Variants in RASA1 observed in about 807,000 individuals in gnomAD.
The protein encoded by RASA1 is RAS p21 protein activator 1, also known as ras GTPase-activating protein 1.
Under a neutral mutation model 132.2 loss-of-function variants are expected in RASA1, and 25 were observed. The ratio of observed to expected loss-of-function variants is 0.19; its 90% CI spans 0.14 to 0.26. The LOEUF is 0.26. Ranked by LOEUF, RASA1 falls within the 10% of genes least tolerant of loss-of-function variation. The pLI, the probability that RASA1 is intolerant of heterozygous loss-of-function variation, is 1.00. For synonymous variants in RASA1, 477 were observed against 449.9 expected (o/e 1.06, Z -0.76); for missense variants, 964 against 1,299.2 (o/e 0.74, Z 3.97).
intron 11 of RASA1, 94 bp downstream of exon 11, chr5:87,363,598 C>T (rs1282148154): frequency 8.5e-6 from 12 of 1,403,580 alleles, no homozygotes; most frequent in Non-Finnish European, 9.0e-6. Context: ...CTAAAATCAT[C>T]TTCTAAAAGT....
chr5:87,338,536 A>ATTTTTTTTTTTTTTTTT (rs1232583853), intron 5 of RASA1, among the ~76,000 whole-genome samples: 1 of 85,222 alleles, frequency 1.2e-5, no homozygotes, highest in African/African-American at 4.4e-5. Context: ...TATATATAAA[A>ATTTTTTTTTTTTTTTTT]TTTTTTTTTT....
intron 1 of RASA1, chr5:87,318,272 A>G (rs1408425029): frequency 6.6e-6 from 1 of 152,216 alleles, no homozygotes; most frequent in African/African-American, 2.4e-5. Context: ...GGCCTGTTAG[A>G]GGAGGAGTTT....
At chr5:87,371,634 G>T (rs1264870519) in intron 12 of RASA1, among the ~76,000 whole-genome samples, 1 of 151,998 alleles carries the variant, frequency 6.6e-6, no homozygotes, top group Non-Finnish European at 1.5e-5. Flanking sequence ...CTGTATCATG[G>T]TCTAAAGTAT....
intron 6 of RASA1, among the ~76,000 whole-genome samples, chr5:87,342,287 T>C (rs1758529997): frequency 6.6e-6 from 1 of 151,644 alleles, no homozygotes; most frequent in Admixed American, 6.6e-5. Flanking sequence ...GTCTCCTGAG[T>C]AGCTGGGACC....
In RASA1 at chr5:87,359,874, G is replaced by A. The variant is rs1342707522; in HGVS notation, c.1333-2677G>A. Among the ~76,000 whole-genome samples the A allele has an allele frequency of 2.6e-5, 4 of 152,144 alleles. No individual in the cohort carries two copies. The East Asian group carries it at 5.8e-4, about 22-fold the overall frequency. On this transcript the variant is annotated intron_variant, in intron 9 of 24. Transcript: ENST00000274376. ...GTTCCATGTTTTCATGTCTAGAAAGGTTTACGTACCTGAAATGGACAGTCT... is the reference window on the plus strand; with the variant it reads ...GTTCCATGTTTTCATGTCTAGAAAGATTTACGTACCTGAAATGGACAGTCT...
chr5:87,287,515 CATAT>C (rs1211810327), intron 1 of RASA1, among the ~76,000 whole-genome samples: 7 of 142,446 alleles, frequency 4.9e-5, no homozygotes, highest in African/African-American at 1.8e-4. Flanking sequence ...ATATACCCAC[CATAT>C]ATATACCATA....
chr5:87,390,641 G>A (rs1762441769), intron 24 of RASA1, among the ~76,000 whole-genome samples, 159 bp from the exon 25 acceptor site: 1 of 152,082 alleles, frequency 6.6e-6, no homozygotes, highest in Admixed American at 6.6e-5. Context: ...GAAATACTCA[G>A]CCAATGACTG....
At chr5:87,387,909 TGA>T (rs368587948) in intron 23 of RASA1, among the ~76,000 whole-genome samples, 19 of 152,174 alleles carry the variant, frequency 1.2e-4, no homozygotes, top group African/African-American at 4.6e-4. Flanking sequence ...AGGAACTGTG[TGA>T]GAAGTTATGC....
intron 1 of RASA1, among the ~76,000 whole-genome samples, chr5:87,280,843 A>T (rs1226719148): frequency 6.3e-5 from 9 of 143,698 alleles, no homozygotes; most frequent in Non-Finnish European, 1.4e-4. Context: ...TGCAAAGTCC[A>T]CCTCCCCAGT....
chr5:87,355,555 T>C (rs1231753762), intron 9 of RASA1, among the ~76,000 whole-genome samples: 1 of 152,204 alleles, frequency 6.6e-6, no homozygotes, highest in Non-Finnish European at 1.5e-5. Flanking sequence ...AGAGCTCAGA[T>C]AGAGATGTAC....
intron 1 of RASA1, among the ~76,000 whole-genome samples, chr5:87,307,834 G>A (rs1199661136): frequency 1.3e-5 from 2 of 151,840 alleles, no homozygotes; most frequent in Non-Finnish European, 2.9e-5. Context: ...CTCGGCGTGC[G>A]TTACATTTTA....
intron 9 of RASA1, among the ~76,000 whole-genome samples, chr5:87,360,844 TG>T (rs1445577027): frequency 5.3e-5 from 8 of 152,252 alleles, no homozygotes; most frequent in African/African-American, 1.7e-4. Context: ...ATTCGTTTTC[TG>T]ATTTTTCTAA....
At chr5:87,378,262 C>G in intron 17 of RASA1, 134 bp from the exon 18 acceptor site, 1 of 978,300 alleles carries the variant, frequency 1.0e-6, no homozygotes, top group Non-Finnish European at 1.6e-6. Context: ...GTAATTAGTA[C>G]TTTCAACGCT....
intron 21 of RASA1, 32 bp downstream of exon 21, chr5:87,383,812 AAAT>A: frequency 6.4e-7 from 1 of 1,551,008 alleles, no homozygotes; most frequent in Non-Finnish European, 8.9e-7. Context: ...TTGAAATTCA[AAAT>A]ATTAGAATTA....
In RASA1 at chr5:87,390,920, GT is replaced by G. The variant is rs756583658; in HGVS notation, c.*38del. 13 of 1,546,510 alleles carry G rather than the reference GT, an allele frequency of 8.4e-6. No homozygotes were observed. The highest frequency in any genetic ancestry group is 1.1e-5 in the Non-Finnish European group (12 of 1,118,894). On this transcript the variant is annotated 3_prime_UTR_variant, in exon 25 of 25. Transcript: ENST00000274376. ...CCAGTGTTCTGCATGGATTCAGCAT[GT>G]CCAACATGGTAATTCACTTCAGTTT... is the stretch of plus-strand genomic sequence containing the variant.
Position 87,363,432 on chromosome 5 carries a change from C to T in RASA1, c.1538C>T (p.Ala513Val). The T allele has an allele frequency of 6.2e-7, 1 of 1,611,382 alleles. No individual in the cohort carries two copies. Among genetic ancestry groups the T allele is most frequent in the African/African-American group, 1.3e-5 (1 of 74,912 alleles). ...ATTTATTTTGAAAGCGAAAAACGAG[C>T]TACCAAACCAAAAGGATTAATAGAT... The part of the protein sequence containing the change: ...QLIYFESEKR[A>V]TKPKGLIDLS... The change falls in exon 11 of 25, where the codon GCT (alanine) becomes GTT (valine). Residue 513 changes from alanine (A) to valine (V), a missense_variant. Transcript: ENST00000274376.
In RASA1 at chr5:87,268,859, T is replaced by A. The variant is rs1200145265; in HGVS notation, c.408T>A (p.Pro136=). 1 of 1,614,048 alleles carries A rather than the reference T, an allele frequency of 6.2e-7. No homozygotes were observed. The highest frequency in any genetic ancestry group is 8.5e-7 in the Non-Finnish European group (1 of 1,180,002). ...ETLGPGGGFP[P]LPPPPYLPPL... ...TCGGGCCAGGCGGCGGTTTTCCCCC[T>A]CTGCCCCCTCCCCCTTACCTGCCCC... The change falls in exon 1 of 25, where the codon CCT becomes CCA. Residue 136 remains proline (P), a synonymous_variant. Coordinates refer to ENST00000274376, the MANE Select transcript of RASA1 (RefSeq NM_002890.3).
intron 10 of RASA1, 99 bp downstream of exon 10, chr5:87,362,770 G>A (rs986832460): frequency 2.2e-6 from 3 of 1,389,202 alleles, no homozygotes; most frequent in African/African-American, 2.9e-5. Flanking sequence ...TTTGACATGA[G>A]TTATTAGTAA....
intron 1 of RASA1, among the ~76,000 whole-genome samples, chr5:87,270,693 T>G (rs553983759): frequency 7.5e-5 from 10 of 132,758 alleles, no homozygotes; most frequent in Admixed American, 7.2e-4. Context: ...TGGATAAGCT[T>G]CTTTGGAGCA....
Sources: allele counts gnomAD v4.1 joint callset (sites outside exome capture counted in the v4.1 genomes callset), GRCh38; gene constraint gnomAD v4.1.1; transcripts MANE v1.5; gene names NCBI Gene and HGNC (gene_info 2026-07-23, HGNC 2026-07-21).